HHAT: variants seen among roughly 807,000 people sequenced by gnomAD.
HHAT encodes protein-cysteine N-palmitoyltransferase HHAT.
HHAT carries 47 observed loss-of-function variants against 70.8 expected under a neutral mutation model. The ratio of observed to expected loss-of-function variants is 0.66; its 90% CI spans 0.53 to 0.85. HHAT has a LOEUF of 0.85. Ranked by LOEUF, HHAT falls within the 40% of genes least tolerant of loss-of-function variation. The probability of loss-of-function intolerance (pLI) is 0.00; values close to 1 mark genes in which losing one functional copy is unlikely to be tolerated. For synonymous variants in HHAT, 228 were observed against 247.6 expected (o/e 0.92, Z 0.74); for missense variants, 609 against 604.8 (o/e 1.01, Z -0.07).
intron 9 of HHAT, among the ~76,000 whole-genome samples, chr1:210,555,157 AAG>A (rs1377425878): frequency 6.6e-6 from 1 of 152,190 alleles, no homozygotes; most frequent in Non-Finnish European, 1.5e-5. Flanking sequence ...ATTTGCCACA[AAG>A]AGAAACTAAC....
chr1:210,429,176 C>G (rs1379252781), intron 7 of HHAT, among the ~76,000 whole-genome samples: 1 of 151,808 alleles, frequency 6.6e-6, no homozygotes, highest in Non-Finnish European at 1.5e-5. Context: ...CACAATGGAT[C>G]TACCATGTAG....
At chr1:210,475,734 C>T (rs983331101) in intron 8 of HHAT, among the ~76,000 whole-genome samples, 2 of 152,124 alleles carry the variant, frequency 1.3e-5, no homozygotes, top group Non-Finnish European at 2.9e-5. Flanking sequence ...CCTTGTAGGG[C>T]GAATGGCGTA....
intron 11 of HHAT, among the ~76,000 whole-genome samples, chr1:210,654,895 A>G (rs74156006): frequency 0.017 from 2,543 of 152,308 alleles, 73 homozygotes; most frequent in African/African-American, 0.057. Context: ...CATCACCTCA[A>G]GCTCCAGTTT....
intron 4 of HHAT, among the ~76,000 whole-genome samples, chr1:210,388,236 G>C (rs974861654): frequency 6.6e-6 from 1 of 152,170 alleles, no homozygotes; most frequent in Admixed American, 6.5e-5. Context: ...GGAGGAAAAA[G>C]TCTGTGCTTG....
rs180762860 is a variant in HHAT, at chr1:210,622,364, C to T, written c.1246-1162C>T. 1.6e-4 allele frequency among the ~76,000 whole-genome samples: 24 copies of T among 152,294 alleles called. No homozygotes were observed. In the South Asian group the frequency reaches 3.7e-3, roughly 24 times the overall value. ...AGATACCCTGGGCCCCTGCATGTCCCGCTGCTGTGCTGTACCTGGTTCTCA... is the reference window on the plus strand; with the variant it reads ...AGATACCCTGGGCCCCTGCATGTCCTGCTGCTGTGCTGTACCTGGTTCTCA... On this transcript the variant is annotated intron_variant, in intron 10 of 11. Coordinates refer to ENST00000261458, the MANE Select transcript of HHAT (RefSeq NM_018194.6).
intron 7 of HHAT, among the ~76,000 whole-genome samples, chr1:210,448,446 G>C (rs577643804): frequency 2.7e-4 from 41 of 152,250 alleles, no homozygotes; most frequent in Admixed American, 4.6e-4. Flanking sequence ...CAGTCTTAGC[G>C]TAATAGTTTA....
chr1:210,603,142 G>A (rs1664653221), intron 10 of HHAT, among the ~76,000 whole-genome samples: 1 of 152,206 alleles, frequency 6.6e-6, no homozygotes, highest in African/African-American at 2.4e-5. Flanking sequence ...TTCTTCTGGA[G>A]TAAGACGGGT....
intron 8 of HHAT, among the ~76,000 whole-genome samples, chr1:210,493,062 T>A (rs1035527474): frequency 6.6e-6 from 1 of 152,072 alleles, no homozygotes; most frequent in Non-Finnish European, 1.5e-5. Context: ...TCAAGTACTT[T>A]GATTCTAGTT....
chr1:210,636,305 C>T (rs765536733), intron 11 of HHAT, among the ~76,000 whole-genome samples: 3 of 152,162 alleles, frequency 2.0e-5, no homozygotes, highest in Non-Finnish European at 2.9e-5. Context: ...ACTTCCCTCC[C>T]CTTCTCCTTT....
At chr1:210,352,291 A>G (rs568454868) in intron 2 of HHAT, among the ~76,000 whole-genome samples, 1 of 152,234 alleles carries the variant, frequency 6.6e-6, no homozygotes, top group Admixed American at 6.5e-5. Context: ...GCCATTCCCA[A>G]GAAATATCTT....
intron 6 of HHAT, among the ~76,000 whole-genome samples, chr1:210,417,765 T>C (rs1056099681): frequency 6.6e-6 from 1 of 151,996 alleles, no homozygotes; most frequent in South Asian, 2.1e-4. Context: ...CAGACATGAG[T>C]AGGTGATGGA....
chr1:210,613,131 C>CT (rs1666930202), intron 10 of HHAT, among the ~76,000 whole-genome samples: 1 of 152,068 alleles, frequency 6.6e-6, no homozygotes, highest in Non-Finnish European at 1.5e-5. Flanking sequence ...AAGTTTATCT[C>CT]TTTTTACTTT....
intron 8 of HHAT, among the ~76,000 whole-genome samples, chr1:210,490,821 C>T (rs1339235952): frequency 6.6e-6 from 1 of 151,962 alleles, no homozygotes. Flanking sequence ...AAGTTTTCTG[C>T]TAAGAAAACC....
At chr1:210,650,889 G>T (rs1341042840) in intron 11 of HHAT, among the ~76,000 whole-genome samples, 1 of 152,148 alleles carries the variant, frequency 6.6e-6, no homozygotes, top group Non-Finnish European at 1.5e-5. Flanking sequence ...TCCATGAGGG[G>T]CAAATATAAT....
At chr1:210,340,216 G>A (rs1357720015) in intron 1 of HHAT, among the ~76,000 whole-genome samples, 1 of 138,002 alleles carries the variant, frequency 7.2e-6, no homozygotes, top group Admixed American at 7.7e-5. Flanking sequence ...ACTCCGGCCT[G>A]GGGGATAGAG....
At chr1:210,528,680 T>C (rs1257745162) in intron 9 of HHAT, among the ~76,000 whole-genome samples, 1 of 152,014 alleles carries the variant, frequency 6.6e-6, no homozygotes, top group Admixed American at 6.5e-5. Context: ...TTATCACTAA[T>C]CTGTTACCAA....
intron 7 of HHAT, among the ~76,000 whole-genome samples, chr1:210,426,895 A>G (rs1313784824): frequency 1.3e-5 from 2 of 152,140 alleles, no homozygotes; most frequent in African/African-American, 4.8e-5. Flanking sequence ...GTTTTTTGGA[A>G]TAGTTTCAGT....
chr1:210,454,283 G>A (rs1202328085), intron 7 of HHAT, among the ~76,000 whole-genome samples: 7 of 152,260 alleles, frequency 4.6e-5, no homozygotes, highest in Admixed American at 3.3e-4. Flanking sequence ...GCCGGGCACG[G>A]TGACTCACGC....
At chr1:210,343,327 T>C (rs1308912980) in intron 1 of HHAT, among the ~76,000 whole-genome samples, 1 of 152,158 alleles carries the variant, frequency 6.6e-6, no homozygotes, top group Non-Finnish European at 1.5e-5. Flanking sequence ...CTTCTTCCCC[T>C]GGCCCCTTCC....
Sources: allele counts gnomAD v4.1 joint callset (sites outside exome capture counted in the v4.1 genomes callset), GRCh38; gene constraint gnomAD v4.1.1; transcripts MANE v1.5; gene names NCBI Gene and HGNC (gene_info 2026-07-23, HGNC 2026-07-21).